EPHA4: variants seen among roughly 807,000 people sequenced by gnomAD.
EPHA4 encodes the protein ephrin type-A receptor 4.
EPHA4 carries 19 observed loss-of-function variants against 108.3 expected under a neutral mutation model. That is an observed-to-expected ratio of 0.18 (90% CI 0.12 to 0.26). The LOEUF (loss-of-function observed/expected upper bound fraction) is 0.26. Ranked by LOEUF, EPHA4 falls within the 10% of genes least tolerant of loss-of-function variation. EPHA4 has a pLI of 1.00. For missense variants in EPHA4, 917 were observed against 1,254.0 expected (o/e 0.73, Z 4.06); for synonymous variants, 449 against 455.5 (o/e 0.99, Z 0.18).
intron 3 of EPHA4, among the ~76,000 whole-genome samples, chr2:221,542,347 C>A (rs527593424): frequency 2.0e-5 from 3 of 152,094 alleles, no homozygotes; most frequent in African/African-American, 7.2e-5. Context: ...ATTTAGATGA[C>A]CCAGTTTCAA....
chr2:221,498,493 G>C (rs553853756), intron 4 of EPHA4, among the ~76,000 whole-genome samples: 5 of 152,232 alleles, frequency 3.3e-5, no homozygotes, highest in African/African-American at 9.6e-5. Context: ...CATTGGAAAA[G>C]AAAAAGGTTG....
At chr2:221,536,248 C>G (rs1693665052) in intron 3 of EPHA4, among the ~76,000 whole-genome samples, 1 of 152,166 alleles carries the variant, frequency 6.6e-6, no homozygotes, top group Non-Finnish European at 1.5e-5. Context: ...AGGAACTTGT[C>G]CATGATCAGA....
chr2:221,428,571 T>G (rs1408506597), intron 15 of EPHA4, among the ~76,000 whole-genome samples: 2 of 152,138 alleles, frequency 1.3e-5, no homozygotes, highest in African/African-American at 4.8e-5. Flanking sequence ...GAATGGACCC[T>G]CAGACAAAAT....
chr2:221,496,799 C>G (rs1187791537), intron 4 of EPHA4, among the ~76,000 whole-genome samples: 1 of 152,012 alleles, frequency 6.6e-6, no homozygotes, highest in South Asian at 2.1e-4. Flanking sequence ...ATCCCAGCTA[C>G]TTGGGAGGCT....
intron 3 of EPHA4, among the ~76,000 whole-genome samples, chr2:221,526,852 C>CAAAAAAAAA (rs528335766): frequency 1.6e-4 from 8 of 48,614 alleles, no homozygotes; most frequent in African/African-American, 5.8e-4. Flanking sequence ...GACTCGGCCT[C>CAAAAAAAAA]AAAAAAAAAA....
intron 5 of EPHA4, among the ~76,000 whole-genome samples, chr2:221,463,787 T>G (rs1366927582): frequency 6.6e-6 from 1 of 152,088 alleles, no homozygotes; most frequent in Non-Finnish European, 1.5e-5. Context: ...CCAAATGGGA[T>G]GGAGAAGAGA....
At chr2:221,553,745 T>C (rs1029705978) in intron 3 of EPHA4, among the ~76,000 whole-genome samples, 1 of 152,210 alleles carries the variant, frequency 6.6e-6, no homozygotes, top group African/African-American at 2.4e-5. Flanking sequence ...TTATGGGACT[T>C]CAAGCTGAAC....
intron 4 of EPHA4, among the ~76,000 whole-genome samples, chr2:221,499,025 A>G (rs1559267245): frequency 4.6e-5 from 7 of 151,132 alleles, no homozygotes; most frequent in Admixed American, 3.3e-4. Context: ...TCCTGACCTC[A>G]ATAATCCGCC....
At chr2:221,441,400 T>G (rs1019398005) in intron 11 of EPHA4, among the ~76,000 whole-genome samples, 6 of 151,948 alleles carry the variant, frequency 3.9e-5, no homozygotes, top group African/African-American at 1.5e-4. Flanking sequence ...GGCATTACCT[T>G]AGGAATAGTC....
chr2:221,534,433 A>C (rs1252281425), intron 3 of EPHA4, among the ~76,000 whole-genome samples: 1 of 152,190 alleles, frequency 6.6e-6, no homozygotes, highest in Admixed American at 6.5e-5. Context: ...AAGTGCTCCA[A>C]GTTCTAACAC....
Position 221,445,454 on chromosome 2 carries a change from G to A in EPHA4, c.1774+669C>T, listed in dbSNP as rs551683542. Among the ~76,000 whole-genome samples the A allele has an allele frequency of 1.2e-3, 189 of 152,088 alleles. 2 individuals are homozygous for A. Among genetic ancestry groups the A allele is most frequent in the African/African-American group, 4.4e-3 (181 of 41,510 alleles). On this transcript the variant is annotated intron_variant, in intron 9 of 17. Transcript: ENST00000281821. ...AGTACAAAAAAATTAGCCGGGGGTC[G>A]TGGCGGGTGCCTGTAATCCCAGCTA...
intron 3 of EPHA4, among the ~76,000 whole-genome samples, chr2:221,559,020 T>A (rs1211931963): frequency 6.7e-6 from 1 of 150,086 alleles, no homozygotes; most frequent in Admixed American, 6.7e-5. Flanking sequence ...CCTTCTATAG[T>A]ATAGTTGAAA....
chr2:221,568,026 T>C (rs985312425), intron 2 of EPHA4, among the ~76,000 whole-genome samples: 1 of 152,224 alleles, frequency 6.6e-6, no homozygotes, highest in African/African-American at 2.4e-5. Flanking sequence ...CCTAGTAAGA[T>C]GGAGGCAGTA....
At chr2:221,509,432 C>G (rs994171279) in intron 3 of EPHA4, among the ~76,000 whole-genome samples, 1 of 152,150 alleles carries the variant, frequency 6.6e-6, no homozygotes, top group African/African-American at 2.4e-5. Context: ...ATTGCATCAC[C>G]AGAAATTCAA....
chr2:221,507,693 C>T (rs1183475582), intron 3 of EPHA4, among the ~76,000 whole-genome samples: 2 of 151,886 alleles, frequency 1.3e-5, no homozygotes, highest in Non-Finnish European at 2.9e-5. Flanking sequence ...ACTCTCAATC[C>T]CAAGACTGAG....
intron 4 of EPHA4, among the ~76,000 whole-genome samples, chr2:221,484,068 T>C (rs554325977): frequency 1.3e-5 from 2 of 152,326 alleles, no homozygotes; most frequent in East Asian, 3.9e-4. Context: ...CTACTTCTAA[T>C]GTAATTGAGA....
At chr2:221,559,020 T>C (rs1211931963) in intron 3 of EPHA4, among the ~76,000 whole-genome samples, 3 of 150,086 alleles carry the variant, frequency 2.0e-5, no homozygotes, top group Non-Finnish European at 4.4e-5. Context: ...CCTTCTATAG[T>C]ATAGTTGAAA....
intron 6 of EPHA4, 87 bp from the exon 7 acceptor site, chr2:221,456,859 A>G (rs1690973092): frequency 6.9e-7 from 1 of 1,448,974 alleles, no homozygotes; most frequent in Non-Finnish European, 9.5e-7. Flanking sequence ...GAGTCAAGCC[A>G]GTCAACTCAG....
At chr2:221,421,915 A>T (rs574913702) in intron 17 of EPHA4, 8 of 152,312 alleles carry the variant, frequency 5.3e-5, no homozygotes, top group South Asian at 4.1e-4. Context: ...TTAAAATTGT[A>T]GAAAACACTT....
Sources: allele counts gnomAD v4.1 joint callset (sites outside exome capture counted in the v4.1 genomes callset), GRCh38; gene constraint gnomAD v4.1.1; transcripts MANE v1.5; gene names NCBI Gene and HGNC (gene_info 2026-07-23, HGNC 2026-07-21).